LAPTM5: variants seen among roughly 807,000 people sequenced by gnomAD.
LAPTM5 encodes the protein lysosomal-associated transmembrane protein 5.
In LAPTM5, 11 loss-of-function variants were observed where a neutral mutation model predicts 30.1. The observed-to-expected ratio is 0.37, with a 90% CI of 0.23 to 0.60. The LOEUF (loss-of-function observed/expected upper bound fraction) is 0.60, where lower values mean the gene tolerates loss of function less well. Among genes scored for constraint, LAPTM5 ranks in the 20% least tolerant of loss-of-function variants. The pLI is 0.71. For synonymous variants in LAPTM5, 151 were observed against 137.9 expected, an observed-to-expected ratio of 1.10 and a Z score of -0.67; for missense variants, 324 against 332.5, an observed-to-expected ratio of 0.97 and a Z score of 0.20.
Position 30,739,678 on chromosome 1 carries a change from C to G in LAPTM5, c.387+131G>C, listed in dbSNP as rs1639939400. The G allele has an allele frequency of 9.0e-7, 1 of 1,105,812 alleles. No homozygotes were observed. Among genetic ancestry groups the G allele is most frequent in the Admixed American group, 3.2e-5 (1 of 31,404 alleles). 68.5% of individuals were successfully genotyped at this position (1,105,812 alleles called of 1,614,324 possible). On this transcript the variant is annotated intron_variant, in intron 4 of 7. Coordinates refer to ENST00000294507, the MANE Select transcript of LAPTM5 (RefSeq NM_006762.3). This position sits in a 1 kb window ranked among gnomAD's most constrained non-coding sequence, Gnocchi z 4.2. ...ATGTGGAGGGACTCAGAGACTGGGT[C>G]AAGACACCAGCCAGGAAGAGGGCTC...
intron 3 of LAPTM5, among the ~76,000 whole-genome samples, chr1:30,740,980 C>T (rs1392046116): frequency 6.6e-6 from 1 of 152,220 alleles, no homozygotes; most frequent in Non-Finnish European, 1.5e-5. Flanking sequence ...CCCTGGCTTC[C>T]TGCCTTTCTG....
intron 3 of LAPTM5, among the ~76,000 whole-genome samples, 196 bp from the exon 4 acceptor site, chr1:30,740,133 C>T (rs1265119051): frequency 6.6e-6 from 1 of 152,288 alleles, no homozygotes; most frequent in Non-Finnish European, 1.5e-5. Context: ...TGAGAGGAGT[C>T]TTGGTGTCCC....
intron 1 of LAPTM5, among the ~76,000 whole-genome samples, chr1:30,745,252 T>A (rs962793685): frequency 5.9e-5 from 9 of 152,180 alleles, no homozygotes; most frequent in African/African-American, 2.2e-4. Context: ...CTCAGAGAGG[T>A]CCAGGGCCTT....
In LAPTM5 at chr1:30,757,721, G is replaced by A. The variant is rs1040836361; in HGVS notation, c.25C>T (p.Arg9Cys). Residue 9 changes from arginine (R) to cysteine (C), a missense_variant, in exon 1 of 8, where the codon CGC (arginine) becomes TGC (cysteine). Coordinates refer to ENST00000294507, the MANE Select transcript of LAPTM5 (RefSeq NM_006762.3). MDPRLSTV[R>C]QTCCCFNVRI... Reference sequence around the variant, plus strand: ...ACATTGAAGCAGCAGCAGGTCTGGCGGACAGTGGACAAGCGGGGGTCCATG... The same window carrying A: ...ACATTGAAGCAGCAGCAGGTCTGGCAGACAGTGGACAAGCGGGGGTCCATG... 22 of 1,613,776 alleles carry A rather than the reference G, an allele frequency of 1.4e-5. No homozygotes were observed. The highest frequency in any genetic ancestry group is 4.4e-5 in the South Asian group (4 of 91,072).
At chr1:30,747,340 G>A (rs1640062953) in intron 1 of LAPTM5, among the ~76,000 whole-genome samples, 1 of 152,180 alleles carries the variant, frequency 6.6e-6, no homozygotes, top group African/African-American at 2.4e-5. Context: ...TACCAGCGGG[G>A]AAATATGGCC....
intron 1 of LAPTM5, among the ~76,000 whole-genome samples, chr1:30,752,308 A>C (rs1380149373): frequency 1.3e-5 from 2 of 152,226 alleles, no homozygotes; most frequent in Non-Finnish European, 2.9e-5. Context: ...AAATGAGCTG[A>C]TAGGCCGAAG....
intron 1 of LAPTM5, among the ~76,000 whole-genome samples, chr1:30,751,842 C>T (rs542771460): frequency 3.3e-5 from 5 of 152,322 alleles, no homozygotes; most frequent in African/African-American, 1.2e-4. Context: ...TCCAAATGAT[C>T]ACTTTTGAGG....
In LAPTM5 at chr1:30,739,118, T is replaced by A. The variant is rs1321389561; in HGVS notation, c.388-56A>T. Reference sequence around the variant, plus strand: ...GAGGAGCAGCAATTAAAGTCCCAGTTACTGAGCGGCACATAGTAGGCCCTC... The same window carrying A: ...GAGGAGCAGCAATTAAAGTCCCAGTAACTGAGCGGCACATAGTAGGCCCTC... On this transcript the variant is annotated intron_variant, in intron 4 of 7. Transcript: ENST00000294507. The surrounding 1 kb of genome is among the most constrained non-coding windows in gnomAD (Gnocchi z 4.2). 1.9e-6 allele frequency: 3 copies of A among 1,545,914 alleles called. No homozygotes were observed. The highest frequency in any genetic ancestry group is 2.6e-6 in the Non-Finnish European group (3 of 1,143,534).
At chr1:30,744,964 T>C (rs1001987510) in intron 1 of LAPTM5, among the ~76,000 whole-genome samples, 5 of 152,186 alleles carry the variant, frequency 3.3e-5, no homozygotes, top group Admixed American at 6.5e-5. Flanking sequence ...AATTATATGA[T>C]GGAAAAATTT....
Position 30,739,522 on chromosome 1 carries a change from TC to T in LAPTM5, c.387+286del, listed in dbSNP as rs1003071303. On this transcript the variant is annotated intron_variant, in intron 4 of 7. Coordinates refer to ENST00000294507, the MANE Select transcript of LAPTM5 (RefSeq NM_006762.3). The surrounding 1 kb of genome is among the most constrained non-coding windows in gnomAD (Gnocchi z 4.2). ...GTCCTTTCCTCAGGTGTCAATTCAC[TC>T]CCAGCAGCACTGACTGAGTGCTGAC... Among the ~76,000 whole-genome samples the T allele has an allele frequency of 6.6e-6, 1 of 152,068 alleles. No individual in the cohort carries two copies. Among genetic ancestry groups the T allele is most frequent in the Non-Finnish European group, 1.5e-5 (1 of 68,006 alleles).
At chr1:30,757,597 A>G (rs1214938428) in intron 1 of LAPTM5, 62 bp downstream of exon 1, 6 of 1,536,906 alleles carry the variant, frequency 3.9e-6, no homozygotes, top group South Asian at 1.2e-5. Context: ...ATGACGGGTC[A>G]CCGCAGACAT....
chr1:30,756,032 C>T (rs1640204977), intron 1 of LAPTM5, among the ~76,000 whole-genome samples: 1 of 152,220 alleles, frequency 6.6e-6, no homozygotes, highest in African/African-American at 2.4e-5. Flanking sequence ...TCAACATCAC[C>T]TTACCCCTGA....
At position 30,742,561 on chromosome 1, in the gene LAPTM5, G is replaced by A. The variant is rs1285787817; in HGVS notation, c.88-12C>T. 1 of 1,608,406 alleles carries A rather than the reference G, an allele frequency of 6.2e-7. No individual in the cohort carries two copies. The highest frequency in any genetic ancestry group is 1.7e-5 in the Admixed American group (1 of 59,846). ...AAGACGCTCATGATCTGGAGGCAAA[G>A]CAAAGCATCAGTCAGCTGAGCCTGC... On this transcript the variant is annotated splice_polypyrimidine_tract_variant and intron_variant, in intron 1 of 7. Transcript: ENST00000294507.
intron 6 of LAPTM5, among the ~76,000 whole-genome samples, chr1:30,737,296 C>A (rs1366885059): frequency 6.6e-6 from 1 of 152,216 alleles, no homozygotes; most frequent in African/African-American, 2.4e-5. Context: ...GAAGACCAAC[C>A]ACGCAGCTAG....
At chr1:30,738,435 T>G (rs1188357) in intron 5 of LAPTM5, among the ~76,000 whole-genome samples, 103,023 of 151,898 alleles carry the variant, frequency 0.68, 35,051 homozygotes, top group Admixed American at 0.73. Flanking sequence ...CACCAGGAGT[T>G]CATCCTTCAG....
At chr1:30,755,324 C>T in intron 1 of LAPTM5, among the ~76,000 whole-genome samples, 1 of 151,704 alleles carries the variant, frequency 6.6e-6, no homozygotes, top group East Asian at 1.9e-4. Context: ...ACGCACAATT[C>T]ACTCCCCCAA....
intron 1 of LAPTM5, among the ~76,000 whole-genome samples, chr1:30,744,122 G>A (rs11585511): frequency 0.2 from 30,758 of 152,102 alleles, 3,912 homozygotes; most frequent in Non-Finnish European, 0.28. Flanking sequence ...GCAAGCTTAC[G>A]TGGTTCGGCA....
At chr1:30,749,675 G>T (rs115025460) in intron 1 of LAPTM5, among the ~76,000 whole-genome samples, 2 of 152,088 alleles carry the variant, frequency 1.3e-5, no homozygotes, top group South Asian at 4.1e-4. Flanking sequence ...AACCGTAGGG[G>T]TCAGGGCGGG....
rs1468558755 is a variant in LAPTM5 at position 30,757,592 on chromosome 1, G to A, written c.87+67C>T. On this transcript the variant is annotated intron_variant, in intron 1 of 7. Coordinates refer to ENST00000294507, the MANE Select transcript of LAPTM5 (RefSeq NM_006762.3). ...TCATTTGTGGGGCTCCGTAGATGAC[G>A]GGTCACCGCAGACATTCACACTCAC... 59 of 1,509,342 alleles carry A rather than the reference G, an allele frequency of 3.9e-5. No individual in the cohort carries two copies. The South Asian group carries it at 5.1e-4, about 13-fold the overall frequency. The allele number at this position is 1,509,342 out of a possible 1,614,324, so 93.5% of individuals were successfully genotyped here.
Sources: allele counts gnomAD v4.1 joint callset (sites outside exome capture counted in the v4.1 genomes callset), GRCh38; gene constraint gnomAD v4.1.1; non-coding constraint Gnocchi (gnomAD v3.1); transcripts MANE v1.5; gene names NCBI Gene and HGNC (gene_info 2026-07-23, HGNC 2026-07-21).